Variants in CDC42BPA observed in about 807,000 individuals in gnomAD.
The protein encoded by CDC42BPA is CDC42 binding protein kinase alpha.
Under a neutral mutation model 223.5 loss-of-function variants are expected in CDC42BPA, and 80 were observed. The observed-to-expected ratio is 0.36, with a 90% CI of 0.30 to 0.43. CDC42BPA has a LOEUF of 0.43. Among genes scored for constraint, CDC42BPA ranks in the 20% least tolerant of loss-of-function variants. The pLI, the probability that CDC42BPA is intolerant of heterozygous loss-of-function variation, is 1.00. For synonymous variants in CDC42BPA, 694 were observed against 718.6 expected, an observed-to-expected ratio of 0.97 and a Z score of 0.55; for missense variants, 1,743 against 2,099.9, an observed-to-expected ratio of 0.83 and a Z score of 3.32.
At chr1:227,313,529 T>C (rs907466783) in intron 1 of CDC42BPA, among the ~76,000 whole-genome samples, 1 of 152,168 alleles carries the variant, frequency 6.6e-6, no homozygotes, top group African/African-American at 2.4e-5. Flanking sequence ...GTGGCTAGTA[T>C]AAAGGAAACA....
intron 2 of CDC42BPA, among the ~76,000 whole-genome samples, chr1:227,217,491 G>A (rs1041379132): frequency 6.6e-6 from 1 of 151,284 alleles, no homozygotes; most frequent in Non-Finnish European, 1.5e-5. Flanking sequence ...TGCCTGGATT[G>A]TCCTACCTGA....
rs190622918 is a variant in CDC42BPA, at chr1:227,012,317, G to A, written c.4857+3763C>T. ...ACAAATAGCAACCATGTATTAAAAC[G>A]GTAAATTATTTTAAAAATTCAAGAA... On this transcript the variant is annotated intron_variant, in intron 34 of 36. Transcript: ENST00000366766. Among the ~76,000 whole-genome samples the A allele has an allele frequency of 4.6e-5, 7 of 152,000 alleles. No individual in the cohort carries two copies. The East Asian group carries it at 5.8e-4, about 13-fold the overall frequency.
At chr1:227,079,749 T>C (rs1389661466) in intron 17 of CDC42BPA, among the ~76,000 whole-genome samples, 1 of 152,052 alleles carries the variant, frequency 6.6e-6, no homozygotes, top group East Asian at 1.9e-4. Flanking sequence ...AAAATATGCA[T>C]ACAGGAATTA....
intron 31 of CDC42BPA, among the ~76,000 whole-genome samples, chr1:227,024,921 T>C (rs1285712690): frequency 6.6e-6 from 1 of 152,188 alleles, no homozygotes; most frequent in East Asian, 1.9e-4. Context: ...ATCTATTCTT[T>C]CACATACATT....
chr1:227,017,519 A>T (rs1414558394), intron 32 of CDC42BPA, among the ~76,000 whole-genome samples: 1 of 152,230 alleles, frequency 6.6e-6, no homozygotes, highest in Non-Finnish European at 1.5e-5. Flanking sequence ...CTATCTTTAC[A>T]TAATAAAAAA....
chr1:227,259,484 G>C (rs1406198174), intron 1 of CDC42BPA, among the ~76,000 whole-genome samples: 6 of 150,998 alleles, frequency 4.0e-5, no homozygotes, highest in African/African-American at 1.5e-4. Flanking sequence ...CCGGTGTTCT[G>C]GCGATTCCTG....
At position 226,994,965 on chromosome 1, in the gene CDC42BPA, T is replaced by A; in HGVS notation, c.4991A>T (p.Asn1664Ile). 1 of 1,614,058 alleles carries A rather than the reference T, an allele frequency of 6.2e-7. No homozygotes were observed. The highest frequency in any genetic ancestry group is 8.5e-7 in the Non-Finnish European group (1 of 1,179,974). The change falls in exon 36 of 37, where the codon AAT (asparagine) becomes ATT (isoleucine). Residue 1664 changes from asparagine (N) to isoleucine (I), a missense_variant. This residue lies in a region of CDC42BPA where 200 missense variants were observed against 192.8 expected (regional missense o/e 1.04). Transcript: ENST00000366766. This position sits in a 1 kb window ranked among gnomAD's most constrained non-coding sequence, Gnocchi z 4.0. ...GAATTCCCTCTTTAATGCGCTGCCATTCTGTGCGGATGACCCTACAGTACA... is the reference window on the plus strand; with the variant it reads ...GAATTCCCTCTTTAATGCGCTGCCAATCTGTGCGGATGACCCTACAGTACA... ...SGLSARSSAQNGSALKREFSG... is the reference protein window; with the variant it reads ...SGLSARSSAQIGSALKREFSG...
At chr1:227,188,996 T>G (rs930400845) in intron 5 of CDC42BPA, among the ~76,000 whole-genome samples, 6 of 152,058 alleles carry the variant, frequency 3.9e-5, no homozygotes, top group Non-Finnish European at 8.8e-5. Context: ...TCCACTCAAT[T>G]TTTCTAAGAT....
At chr1:227,060,346 T>C (rs954540052) in intron 21 of CDC42BPA, among the ~76,000 whole-genome samples, 2 of 152,180 alleles carry the variant, frequency 1.3e-5, no homozygotes, top group South Asian at 4.1e-4. Context: ...ATGAACCATA[T>C]CTACTTCGGC....
chr1:227,185,784 A>G (rs1218749202), intron 5 of CDC42BPA, among the ~76,000 whole-genome samples: 1 of 151,638 alleles, frequency 6.6e-6, no homozygotes. Context: ...TAAGAGGAAG[A>G]ATCTGGTGTT....
At chr1:227,119,426 T>G (rs547356478) in intron 12 of CDC42BPA, among the ~76,000 whole-genome samples, 2 of 152,210 alleles carry the variant, frequency 1.3e-5, no homozygotes, top group South Asian at 4.1e-4. Context: ...TTATAATATT[T>G]TAAGAATGTT....
At chr1:227,014,496 C>T (rs1665836262) in intron 34 of CDC42BPA, among the ~76,000 whole-genome samples, 2 of 152,130 alleles carry the variant, frequency 1.3e-5, no homozygotes, top group South Asian at 4.1e-4. Flanking sequence ...GAGATATTTA[C>T]AATGAAGAAC....
chr1:227,280,275 C>T (rs900533432), intron 1 of CDC42BPA, among the ~76,000 whole-genome samples: 9 of 152,152 alleles, frequency 5.9e-5, no homozygotes, highest in Non-Finnish European at 1.3e-4. Context: ...AAATAAAATA[C>T]CTGCTTCAAT....
intron 14 of CDC42BPA, among the ~76,000 whole-genome samples, chr1:227,111,163 C>A (rs1427630485): frequency 6.6e-6 from 1 of 152,098 alleles, no homozygotes; most frequent in African/African-American, 2.4e-5. Flanking sequence ...ATGATTCTTA[C>A]ATGTTATGGA....
chr1:227,264,018 A>G (rs372618173), intron 1 of CDC42BPA, among the ~76,000 whole-genome samples: 1 of 152,194 alleles, frequency 6.6e-6, no homozygotes, highest in East Asian at 1.9e-4. Context: ...AATAACTTCT[A>G]TTCTTTGGTC....
chr1:227,078,233 C>T (rs968660131), intron 17 of CDC42BPA, among the ~76,000 whole-genome samples: 1 of 152,114 alleles, frequency 6.6e-6, no homozygotes, highest in African/African-American at 2.4e-5. Flanking sequence ...CCTTCTTGAG[C>T]AACTAGTCTG....
intron 2 of CDC42BPA, among the ~76,000 whole-genome samples, chr1:227,230,433 G>A (rs1000400868): frequency 4.6e-5 from 7 of 152,160 alleles, no homozygotes; most frequent in Admixed American, 2.6e-4. Context: ...AACTGATATC[G>A]TTACAAATAT....
At chr1:227,057,415 G>A (rs1674812994) in intron 21 of CDC42BPA, among the ~76,000 whole-genome samples, 1 of 151,856 alleles carries the variant, frequency 6.6e-6, no homozygotes, top group Admixed American at 6.6e-5. Flanking sequence ...CTAAAAACAT[G>A]GTATATAACA....
In CDC42BPA at chr1:227,254,148, T is replaced by C; in HGVS notation, c.186A>G (p.Pro62=). 1 of 1,526,488 alleles carries C rather than the reference T, an allele frequency of 6.6e-7. No individual in the cohort carries two copies. Among genetic ancestry groups the C allele is most frequent in the Non-Finnish European group, 9.0e-7 (1 of 1,112,244 alleles). The allele number at this position is 1,526,488 out of a possible 1,614,324, so 94.6% of individuals were successfully genotyped here. A position where few individuals can be genotyped will look rare whatever the true frequency, so the allele number is the denominator to read the frequency against. The change falls in exon 2 of 37, where the codon CCA becomes CCG. Residue 62 remains proline (P), a synonymous_variant. Transcript: ENST00000366766. The part of the protein sequence containing the change: ...NILEYLEWAK[P]FTSKVKQMRL... ...GCATTTGTTTCACTTTAGAAGTAAA[T>C]GGTTTAGCTGAAATGAAAGAGCAAT...
Sources: allele counts gnomAD v4.1 joint callset (sites outside exome capture counted in the v4.1 genomes callset), GRCh38; gene constraint gnomAD v4.1.1; regional missense constraint gnomAD v4.1.1; non-coding constraint Gnocchi (gnomAD v3.1); transcripts MANE v1.5; gene names NCBI Gene and HGNC (gene_info 2026-07-23, HGNC 2026-07-21).